Variants in PARP12 observed in about 807,000 individuals in gnomAD.
PARP12 encodes the protein protein mono-ADP-ribosyltransferase PARP12.
Under a neutral mutation model 72.4 loss-of-function variants are expected in PARP12, and 59 were observed. That is an observed-to-expected ratio of 0.81 (90% confidence interval 0.66 to 1.01). The LOEUF (loss-of-function observed/expected upper bound fraction) is 1.01, where lower values mean the gene tolerates loss of function less well. PARP12 is among the 50% of genes least tolerant of loss of function. PARP12 has a pLI of 0.00. For missense variants in PARP12, 851 were observed against 914.0 expected (o/e 0.93, Z 0.89); for synonymous variants, 403 against 371.4 (o/e 1.09, Z -0.98).
chr7:140,032,626 G>A (rs931667810), intron 8 of PARP12, among the ~76,000 whole-genome samples: 3 of 152,140 alleles, frequency 2.0e-5, no homozygotes, highest in Non-Finnish European at 4.4e-5. Context: ...AGAGAACCAG[G>A]AAAGAAGAAA....
At chr7:140,041,963 G>C (rs542689337) in intron 5 of PARP12, 124 bp from the exon 6 acceptor site, 2 of 786,148 alleles carry the variant, frequency 2.5e-6, no homozygotes, top group African/African-American at 1.7e-5. Context: ...TTTAGAAAAA[G>C]TTCCCAGAGG....
At chr7:140,056,826 A>T (rs1585115139) in intron 3 of PARP12, 30 bp downstream of exon 3, 1 of 1,560,084 alleles carries the variant, frequency 6.4e-7, no homozygotes, top group Non-Finnish European at 8.7e-7. Flanking sequence ...CGTGCTCCCC[A>T]CCAGCCTTAC....
chr7:140,056,190 T>C (rs1264561765), intron 3 of PARP12, among the ~76,000 whole-genome samples: 1 of 152,228 alleles, frequency 6.6e-6, no homozygotes, highest in Non-Finnish European at 1.5e-5. Flanking sequence ...GAAATGCTTA[T>C]TAAATAAAAA....
intron 6 of PARP12, among the ~76,000 whole-genome samples, chr7:140,040,053 T>C (rs1335757466): frequency 6.6e-6 from 1 of 152,100 alleles, no homozygotes; most frequent in Non-Finnish European, 1.5e-5. Context: ...CAGAGCCCTG[T>C]GTCATCTCAT....
Position 140,037,861 on chromosome 7 carries a change from G to A in PARP12, c.1183-5C>T, listed in dbSNP as rs752378664. The A allele has an allele frequency of 6.2e-6, 10 of 1,602,704 alleles. No homozygotes were observed. The East Asian group carries it at 6.7e-5, about 11-fold the overall frequency. ...GGTCACAGGGTGCACCGTGCCCTGC[G>A]ATGGAAAGCCAGACACTTTATGAAG... is the stretch of plus-strand genomic sequence containing the variant. On this transcript the variant is annotated splice_polypyrimidine_tract_variant and splice_region_variant and intron_variant, in intron 6 of 11. Coordinates refer to ENST00000263549, the MANE Select transcript of PARP12 (RefSeq NM_022750.4).
In PARP12 at chr7:140,027,313, G is replaced by A. The variant is rs1423887281; in HGVS notation, c.1591C>T (p.Arg531Ter). The A allele has an allele frequency of 1.2e-6, 2 of 1,613,878 alleles. No individual in the cohort carries two copies. The highest frequency in any genetic ancestry group is 1.7e-6 in the Non-Finnish European group (2 of 1,179,914). The change falls in exon 10 of 12, where the codon CGA becomes TGA. Residue 531 changes from arginine (R) to a stop codon, truncating the protein, a stop_gained. Coordinates refer to ENST00000263549, the MANE Select transcript of PARP12 (RefSeq NM_022750.4). LOFTEE classifies it high-confidence loss of function. ...TCCCAGAGGGCCAGGTTCTGTACTC[G>A]CTCAATCTTCTGAACAAAGTAGAAA... Reference protein sequence around the residue: ...LPFYFVQKIERVQNLALWEVY... With the variant: ...LPFYFVQKIE
chr7:140,035,911 G>C (rs1816140633), intron 7 of PARP12, among the ~76,000 whole-genome samples: 2 of 131,486 alleles, frequency 1.5e-5, no homozygotes, highest in East Asian at 2.3e-4. Context: ...ACGAGGAGGA[G>C]GACAAGGAGG....
rs561483814 is a variant in PARP12, at chr7:140,029,941, G to C, written c.1422-1253C>G. Among the ~76,000 whole-genome samples the C allele has an allele frequency of 6.1e-4, 93 of 152,324 alleles. 1 individual carries two copies. The highest frequency in any genetic ancestry group is 1.9e-3 in the African/African-American group (81 of 41,584). The stretch of plus-strand genomic sequence containing the variant: ...GAACTTGAATATGATCAGAACCTAA[G>C]TGAAGCTCTAGGAGAGGAGAGACAA... On this transcript the variant is annotated intron_variant, in intron 8 of 11. Transcript: ENST00000263549.
At chr7:140,034,795 A>G (rs1816084395) in intron 7 of PARP12, 1 of 155,608 alleles carries the variant, frequency 6.4e-6, no homozygotes, top group Admixed American at 6.4e-5. Context: ...ATCTTTAATA[A>G]ACAAATTTCT....
chr7:140,047,370 G>A (rs1037568902), intron 4 of PARP12, among the ~76,000 whole-genome samples: 3 of 152,108 alleles, frequency 2.0e-5, no homozygotes, highest in Non-Finnish European at 4.4e-5. Flanking sequence ...AAGAGGAAGC[G>A]AGACCTGAGC....
chr7:140,056,783 C>G (rs1169614042), intron 3 of PARP12, 73 bp downstream of exon 3: 1 of 1,428,058 alleles, frequency 7.0e-7, no homozygotes, highest in Non-Finnish European at 9.5e-7. Flanking sequence ...TAATGGCTAG[C>G]TGGAATCCGG....
chr7:140,048,690 A>T (rs1166942230), intron 4 of PARP12, among the ~76,000 whole-genome samples: 2 of 152,248 alleles, frequency 1.3e-5, no homozygotes, highest in African/African-American at 4.8e-5. Flanking sequence ...CAAAGTTATA[A>T]GCAAAGACTT....
chr7:140,058,455 G>A (rs1371023686), intron 1 of PARP12, among the ~76,000 whole-genome samples: 2 of 151,324 alleles, frequency 1.3e-5, no homozygotes, highest in African/African-American at 4.9e-5. Context: ...AGCTTGCAGT[G>A]AGCCACTGCA....
rs1815778865 is a variant in PARP12 at position 140,027,406 on chromosome 7, T to C, written c.1498A>G (p.Lys500Glu). 1 of 1,613,670 alleles carries C rather than the reference T, an allele frequency of 6.2e-7. No individual in the cohort carries two copies. Among genetic ancestry groups the C allele is most frequent in the Non-Finnish European group, 8.5e-7 (1 of 1,179,760 alleles). The change falls in exon 10 of 12, where the codon AAG (lysine) becomes GAG (glutamate). Residue 500 changes from lysine to glutamate, a missense_variant and splice_region_variant. This residue lies in a region of PARP12 where 347 missense variants were observed against 396.1 expected (regional missense o/e 0.88). Coordinates refer to ENST00000263549, the MANE Select transcript of PARP12 (RefSeq NM_022750.4). ...SSALPDPGFQ[K>E]ITLSSSSEEY... ...TCCGAGGAAGAACTAAGGGTGATCTTCTGCAAGGGGCAAATGTTTTTAATG... is the reference window on the plus strand; with the variant it reads ...TCCGAGGAAGAACTAAGGGTGATCTCCTGCAAGGGGCAAATGTTTTTAATG...
At chr7:140,044,194 A>G (rs1408107455) in intron 5 of PARP12, among the ~76,000 whole-genome samples, 1 of 152,204 alleles carries the variant, frequency 6.6e-6, no homozygotes, top group African/African-American at 2.4e-5. Flanking sequence ...AGAAAAAAAC[A>G]GACTATCTAT....
chr7:140,054,729 GT>G lies in PARP12; in HGVS notation c.794del (p.Asn265ThrfsTer63). ...GATCACCCTCCTCCTGGCTAAGAGT[GT>G]TTGGGGACACAGAACCTGAACTGTC... ...RKDSSGSVSPNTLSQEEGDQI... is the reference protein window; with the variant it reads ...RKDSSGSVSPXTLSQEEGDQI... On this transcript the variant is annotated frameshift_variant, in exon 4 of 12. Coordinates refer to ENST00000263549, the MANE Select transcript of PARP12 (RefSeq NM_022750.4). LOFTEE classifies it high-confidence loss of function. 6.2e-7 allele frequency: 1 copy of G among 1,614,020 alleles called. No homozygotes were observed. Among genetic ancestry groups the G allele is most frequent in the Non-Finnish European group, 8.5e-7 (1 of 1,179,862 alleles).
intron 8 of PARP12, 91 bp downstream of exon 8, chr7:140,034,144 G>A (rs1007745248): frequency 3.2e-5 from 48 of 1,500,836 alleles, no homozygotes; most frequent in East Asian, 1.3e-4. Flanking sequence ...AACGGTGCCC[G>A]GGTGCTGTCT....
rs758892973 is a variant in PARP12, at chr7:140,037,869, G to A, written c.1183-13C>T. On this transcript the variant is annotated splice_polypyrimidine_tract_variant and intron_variant, in intron 6 of 11. Transcript: ENST00000263549. The stretch of plus-strand genomic sequence containing the variant: ...GGTGCACCGTGCCCTGCGATGGAAA[G>A]CCAGACACTTTATGAAGGCAAGAAA... 6.2e-7 allele frequency: 1 copy of A among 1,601,126 alleles called. No individual in the cohort carries two copies. The highest frequency in any genetic ancestry group is 1.7e-5 in the Admixed American group (1 of 59,684).
At chr7:140,062,234 C>T (rs1817486824) in intron 1 of PARP12, among the ~76,000 whole-genome samples, 1 of 151,786 alleles carries the variant, frequency 6.6e-6, no homozygotes. Flanking sequence ...TCCCTCCCCA[C>T]CCCACACGGC....
Sources: allele counts gnomAD v4.1 joint callset (sites outside exome capture counted in the v4.1 genomes callset), GRCh38; gene constraint gnomAD v4.1.1; regional missense constraint gnomAD v4.1.1; transcripts MANE v1.5; gene names NCBI Gene and HGNC (gene_info 2026-07-23, HGNC 2026-07-21).